EFCC1: variants seen among roughly 807,000 people sequenced by gnomAD.
EFCC1 encodes the protein EF-hand and coiled-coil domain containing 1.
In EFCC1, 50 loss-of-function variants were observed where a neutral mutation model predicts 52.1. That is an observed-to-expected ratio of 0.96 (90% CI 0.76 to 1.21). EFCC1 has a LOEUF of 1.21. EFCC1 is among the 50% of genes most tolerant of loss of function. The probability of loss-of-function intolerance (pLI) is 0.00; values close to 1 mark genes in which losing one functional copy is unlikely to be tolerated. For missense variants in EFCC1, 837 were observed against 867.3 expected, an observed-to-expected ratio of 0.97 and a Z score of 0.44; for synonymous variants, 399 against 396.5, an observed-to-expected ratio of 1.01 and a Z score of -0.08.
chr3:129,015,097 G>A (rs763022648), intron 2 of EFCC1, among the ~76,000 whole-genome samples: 13 of 152,000 alleles, frequency 8.6e-5, no homozygotes, highest in Non-Finnish European at 1.3e-4. Context: ...ATCCCACCTC[G>A]GGCTCGCCCA....
chr3:129,039,601 G>A (rs2107944060), intron 7 of EFCC1, 111 bp from the exon 8 acceptor site: 1 of 1,476,174 alleles, frequency 6.8e-7, no homozygotes, highest in East Asian at 2.4e-5. Context: ...GCAGGGCTGG[G>A]GAGGGGCACA....
rs533771365 is a variant in EFCC1, at chr3:129,040,448, A to C, written c.*600A>C. 9 of 152,404 alleles carry C rather than the reference A, an allele frequency of 5.9e-5. No homozygotes were observed. The highest frequency in any genetic ancestry group is 1.3e-4 in the Non-Finnish European group (9 of 68,158). 9.4% of individuals were successfully genotyped at this position (152,404 alleles called of 1,614,324 possible). A position where few individuals can be genotyped will look rare whatever the true frequency, so the allele number is the denominator to read the frequency against. On this transcript the variant is annotated 3_prime_UTR_variant, in exon 8 of 8. Transcript: ENST00000683648. This position sits in a 1 kb window ranked among gnomAD's most constrained non-coding sequence, Gnocchi z 4.4. ...GAGGACAGGTAGGATTTAGACAGGT[A>C]AAGAAAGGAGGGAAGGGCATAGAAT...
At chr3:129,031,963 G>C (rs1466629444) in intron 3 of EFCC1, among the ~76,000 whole-genome samples, 1 of 152,202 alleles carries the variant, frequency 6.6e-6, no homozygotes, top group African/African-American at 2.4e-5. Context: ...TGCCCCTGGA[G>C]CTGGGTGGAG....
rs1472684251 is a variant in EFCC1 at position 129,001,986 on chromosome 3, G to T, written c.358G>T (p.Asp120Tyr). ...PGDAAAELAT[D>Y]GDSDTDEEAR... ...GGATGCGGCCGCTGAGTTGGCCACG[G>T]ACGGGGACTCAGATACCGATGAAGA... The change falls in exon 1 of 8, where the codon GAC becomes TAC. Residue 120 changes from aspartate (D) to tyrosine (Y), a missense_variant. Physicochemically the swap from Asp to Tyr is radical, Grantham distance 160. Transcript: ENST00000683648. 2 of 1,545,702 alleles carry T rather than the reference G, an allele frequency of 1.3e-6. No individual in the cohort carries two copies. The highest frequency in any genetic ancestry group is 8.7e-7 in the Non-Finnish European group (1 of 1,145,150).
chr3:129,034,110 G>C, intron 4 of EFCC1, 54 bp from the exon 5 acceptor site: 2 of 1,609,248 alleles, frequency 1.2e-6, no homozygotes, highest in Middle Eastern at 1.7e-4. Context: ...AGGCTGGACA[G>C]AGCGGGCTCT....
chr3:129,039,383 G>A (rs189141016), intron 7 of EFCC1, among the ~76,000 whole-genome samples: 2 of 152,192 alleles, frequency 1.3e-5, no homozygotes, highest in African/African-American at 2.4e-5. Flanking sequence ...CAGCCAGGCC[G>A]AGCTCCTGCC....
At chr3:129,012,531 T>C (rs1281795547) in intron 2 of EFCC1, among the ~76,000 whole-genome samples, 2 of 152,168 alleles carry the variant, frequency 1.3e-5, no homozygotes, top group Non-Finnish European at 2.9e-5. Flanking sequence ...AACATTCTGC[T>C]TCCCAGCACC....
intron 1 of EFCC1, chr3:129,002,561 C>CA (rs1477319447): frequency 2.6e-6 from 2 of 772,250 alleles, no homozygotes; most frequent in Non-Finnish European, 3.7e-6. Context: ...CAATCACACT[C>CA]AAACAACCAT....
rs1460101144 is a variant in EFCC1, at chr3:129,001,717, T to G, written c.89T>G (p.Leu30Arg). ...YRRPARRTQWLLSALAHHYGL... is the reference protein window; with the variant it reads ...YRRPARRTQWRLSALAHHYGL... ...CGACCTGCGCGGCGCACGCAGTGGC[T>G]GCTGAGCGCCCTGGCGCACCACTAC... Residue 30 changes from leucine to arginine, a missense_variant, in exon 1 of 8, where the codon CTG becomes CGG. Leu to Arg is a moderately radical substitution (Grantham distance 102, BLOSUM62 -2). Coordinates refer to ENST00000683648, the MANE Select transcript of EFCC1 (RefSeq NM_001377500.1). 104 of 1,516,166 alleles carry G rather than the reference T, an allele frequency of 6.9e-5. No individual in the cohort carries two copies. Among genetic ancestry groups the G allele is most frequent in the Non-Finnish European group, 8.5e-5 (97 of 1,134,674 alleles). The allele number at this position is 1,516,166 out of a possible 1,614,324, so 93.9% of individuals were successfully genotyped here.
Position 129,001,674 on chromosome 3 carries a change from G to C in EFCC1, c.46G>C (p.Gly16Arg). Reference protein sequence around the residue: ...TGAEAGMEGAGGDPYRRPARR... With the variant: ...TGAEAGMEGARGDPYRRPARR... ...CGCGGAGGCCGGCATGGAGGGCGCG[G>C]GAGGTGACCCGTACCGGCGACCTGC... is the stretch of plus-strand genomic sequence containing the variant. Residue 16 changes from glycine to arginine, a missense_variant, in exon 1 of 8, where the codon GGA becomes CGA. Gly to Arg is a moderately radical substitution (Grantham distance 125, BLOSUM62 -2). Transcript: ENST00000683648. 6.9e-7 allele frequency: 1 copy of C among 1,456,262 alleles called. No homozygotes were observed. The highest frequency in any genetic ancestry group is 1.4e-5 in the South Asian group (1 of 73,268). 90.2% of individuals were successfully genotyped at this position (1,456,262 alleles called of 1,614,324 possible). A position where few individuals can be genotyped will look rare whatever the true frequency, so the allele number is the denominator to read the frequency against.
intron 2 of EFCC1, among the ~76,000 whole-genome samples, chr3:129,024,906 G>C (rs1946036931): frequency 6.6e-6 from 1 of 152,284 alleles, no homozygotes; most frequent in African/African-American, 2.4e-5. Flanking sequence ...TGGGGTGGGA[G>C]AACGAAGAAC....
At position 129,001,548 on chromosome 3, in the gene EFCC1, G is replaced by A. The variant is rs370208626; in HGVS notation, c.-81G>A. 57 of 1,342,494 alleles carry A rather than the reference G, an allele frequency of 4.2e-5. No individual in the cohort carries two copies. The highest frequency in any genetic ancestry group is 3.7e-4 in the East Asian group (12 of 32,724). The allele number at this position is 1,342,494 out of a possible 1,614,324, so 83.2% of individuals were successfully genotyped here. ...GCGACCGCTAAGCCCCTCCTTTCGA[G>A]AAACTCTGGGGCCGCCCCTGGAAGT... On this transcript the variant is annotated 5_prime_UTR_variant, in exon 1 of 8. Transcript: ENST00000683648.
chr3:129,038,063 CAAA>C (rs5852559), intron 6 of EFCC1, among the ~76,000 whole-genome samples: 1 of 143,708 alleles, frequency 7.0e-6, no homozygotes. Context: ...GACCTTATCT[CAAA>C]AAAAAAAAAA....
Position 129,001,502 on chromosome 3 carries a change from C to T in EFCC1, c.-127C>T. Reference sequence around the variant, plus strand: ...CAGCGCAGCTGCTGGACACGGTCCCCGGCGCCGCTCCAACCAGACCGCGAC... The same window carrying T: ...CAGCGCAGCTGCTGGACACGGTCCCTGGCGCCGCTCCAACCAGACCGCGAC... On this transcript the variant is annotated 5_prime_UTR_variant, in exon 1 of 8. Transcript: ENST00000683648. 7.7e-7 allele frequency: 1 copy of T among 1,299,458 alleles called. No homozygotes were observed. The highest frequency in any genetic ancestry group is 3.1e-5 in the East Asian group (1 of 32,224). The allele number at this position is 1,299,458 out of a possible 1,614,324, so 80.5% of individuals were successfully genotyped here.
intron 2 of EFCC1, among the ~76,000 whole-genome samples, chr3:129,021,149 C>G (rs1258044272): frequency 6.6e-6 from 1 of 152,190 alleles, no homozygotes; most frequent in Non-Finnish European, 1.5e-5. Context: ...TATGACCAAG[C>G]ATCACCCCAA....
intron 2 of EFCC1, among the ~76,000 whole-genome samples, chr3:129,012,110 A>G (rs1223986641): frequency 6.6e-6 from 1 of 152,262 alleles, no homozygotes; most frequent in Non-Finnish European, 1.5e-5. Flanking sequence ...ACCCTTGGCC[A>G]TGACCTGCCT....
At position 129,001,819 on chromosome 3, in the gene EFCC1, A is replaced by G. The variant is rs1944775045; in HGVS notation, c.191A>G (p.His64Arg). 5.2e-6 allele frequency: 8 copies of G among 1,545,478 alleles called. No individual in the cohort carries two copies. Among genetic ancestry groups the G allele is most frequent in the Non-Finnish European group, 7.0e-6 (8 of 1,145,698 alleles). Residue 64 changes from histidine (H) to arginine (R), a missense_variant, in exon 1 of 8, where the codon CAC (histidine) becomes CGC (arginine). Physicochemically the swap from His to Arg is conservative, Grantham distance 29 (BLOSUM62 0). Coordinates refer to ENST00000683648, the MANE Select transcript of EFCC1 (RefSeq NM_001377500.1). ...GACCAGTACCTGCAGGAGGTCTTCCACCACCTGGACTGCCGCGGCGCCGGC... is the reference window on the plus strand; with the variant it reads ...GACCAGTACCTGCAGGAGGTCTTCCGCCACCTGGACTGCCGCGGCGCCGGC... ...GLDQYLQEVF[H>R]HLDCRGAGRL...
chr3:129,009,751 C>A (rs1945234666), intron 2 of EFCC1, among the ~76,000 whole-genome samples: 1 of 152,200 alleles, frequency 6.6e-6, no homozygotes, highest in Admixed American at 6.5e-5. Flanking sequence ...CCACCTGTGG[C>A]AGCTCAAGAC....
Position 129,034,164 on chromosome 3 carries a change from G to T in EFCC1, c.1287G>T (p.Arg429Ser), listed in dbSNP as rs1272376814. The T allele has an allele frequency of 1.2e-6, 2 of 1,614,132 alleles. No individual in the cohort carries two copies. The highest frequency in any genetic ancestry group is 1.7e-6 in the Non-Finnish European group (2 of 1,180,048). The change falls in exon 5 of 8, where the codon AGG becomes AGT. Residue 429 changes from arginine (R) to serine (S), a missense_variant and splice_region_variant. Physicochemically the swap from Arg to Ser is moderately radical, Grantham distance 110. Coordinates refer to ENST00000683648, the MANE Select transcript of EFCC1 (RefSeq NM_001377500.1). ...LLARLSSCRG[R>S]CDDQTAEKLM... ...ATGCGGGCCCTCTCCTTTGCTGCAG[G>T]TGTGATGACCAGACGGCGGAGAAGC... is the stretch of plus-strand genomic sequence containing the variant.
Sources: allele counts gnomAD v4.1 joint callset (sites outside exome capture counted in the v4.1 genomes callset), GRCh38; gene constraint gnomAD v4.1.1; non-coding constraint Gnocchi (gnomAD v3.1); transcripts MANE v1.5; gene names NCBI Gene and HGNC (gene_info 2026-07-23, HGNC 2026-07-21).